EMC10: variants seen among roughly 807,000 people sequenced by gnomAD.
The protein encoded by EMC10 is UPF0510 protein INM02.
A neutral mutation model predicts 32.2 loss-of-function variants in EMC10; 40 were observed. The observed-to-expected ratio is 1.24, with a 90% CI of 0.96 to 1.61. The LOEUF (loss-of-function observed/expected upper bound fraction) is 1.61. Ranked by LOEUF, EMC10 falls within the 40% of genes most tolerant of loss-of-function variation. The pLI is 0.00. For synonymous variants in EMC10, 178 were observed against 158.4 expected, an observed-to-expected ratio of 1.12 and a Z score of -0.93; for missense variants, 402 against 357.7, an observed-to-expected ratio of 1.12 and a Z score of -1.00.
In EMC10 at chr19:50,486,120, A is replaced by ATTTT. The variant is rs1978343321; in HGVS notation, c.*3862_*3865dup. 6.6e-6 allele frequency: 1 copy of ATTTT among 152,186 alleles called. No individual in the cohort carries two copies. The highest frequency in any genetic ancestry group is 2.4e-5 in the African/African-American group (1 of 41,438). 9.4% of individuals were successfully genotyped at this position (152,186 alleles called of 1,614,324 possible). A position where few individuals can be genotyped will look rare whatever the true frequency, so the allele number is the denominator to read the frequency against. ...TAAAATATACAAGACTACATTTAGT[A>ATTTT]TTTTGTAAAATTCTTTACTAACCCC... On this transcript the variant is annotated 3_prime_UTR_variant, in exon 7 of 7. Coordinates refer to ENST00000334976, the MANE Select transcript of EMC10 (RefSeq NM_206538.4).
intron 1 of EMC10, chr19:50,477,359 C>T (rs12978864): frequency 0.53 from 80,805 of 152,528 alleles, 22,333 homozygotes; most frequent in South Asian, 0.68. Context: ...GCTGAGATCA[C>T]GCTACTGCAC....
At position 50,482,670 on chromosome 19, in the gene EMC10, G is replaced by A. The variant is rs1247081585; in HGVS notation, c.*411G>A. 1 of 482,846 alleles carries A rather than the reference G, an allele frequency of 2.1e-6. No individual in the cohort carries two copies. Among genetic ancestry groups the A allele is most frequent in the South Asian group, 4.4e-5 (1 of 22,616 alleles). The allele number at this position is 482,846 out of a possible 1,614,324, so 29.9% of individuals were successfully genotyped here. A position where few individuals can be genotyped will look rare whatever the true frequency, so the allele number is the denominator to read the frequency against. On this transcript the variant is annotated 3_prime_UTR_variant, in exon 7 of 7. Coordinates refer to ENST00000334976, the MANE Select transcript of EMC10 (RefSeq NM_206538.4). ...TGGTCTCACCCTCCTGTCCCTGGCT[G>A]GGCTAGGTGGTCCTGTCCAGGCTCC...
chr19:50,482,065 G>A (rs891508950), intron 6 of EMC10, 84 bp from the exon 7 acceptor site: 76 of 1,412,836 alleles, frequency 5.4e-5, no homozygotes, highest in Middle Eastern at 1.8e-4. Context: ...GGTCCCCACC[G>A]TGGGTGGGTG....
intron 3 of EMC10, among the ~76,000 whole-genome samples, chr19:50,479,542 A>G (rs2040284718): frequency 6.6e-6 from 1 of 152,084 alleles, no homozygotes; most frequent in African/African-American, 2.4e-5. Context: ...AGGCAGCAGG[A>G]TAGAGAGGGA....
rs2040353389 is a variant in EMC10, at chr19:50,483,364, C to T, written c.*1105C>T. 6.2e-6 allele frequency: 2 copies of T among 320,078 alleles called. No homozygotes were observed. The highest frequency in any genetic ancestry group is 4.4e-5 in the African/African-American group (2 of 45,686). 19.8% of individuals were successfully genotyped at this position (320,078 alleles called of 1,614,324 possible). On this transcript the variant is annotated 3_prime_UTR_variant, in exon 7 of 7. Coordinates refer to ENST00000334976, the MANE Select transcript of EMC10 (RefSeq NM_206538.4). The stretch of plus-strand genomic sequence containing the variant: ...AGATCGACACGCAGCTAGCCTCCTG[C>T]ATTGTATGGTTATAAATAGCACCCT...
chr19:50,481,624 G>A, intron 6 of EMC10: 1 of 548,516 alleles, frequency 1.8e-6, no homozygotes, highest in Non-Finnish European at 3.2e-6. Context: ...AGGCAGGCTA[G>A]GAGGATGCTG....
At position 50,486,982 on chromosome 19, in the gene EMC10, G is replaced by A. The variant is rs1248829766; in HGVS notation, c.*4723G>A. Reference sequence around the variant, plus strand: ...CATTCTCGGTGTCTCATATAGCTGGGTTGCAGCTCCGTTCTTTGCCAGGAG... The same window carrying A: ...CATTCTCGGTGTCTCATATAGCTGGATTGCAGCTCCGTTCTTTGCCAGGAG... On this transcript the variant is annotated 3_prime_UTR_variant, in exon 7 of 7. Coordinates refer to ENST00000334976, the MANE Select transcript of EMC10 (RefSeq NM_206538.4). The A allele has an allele frequency of 6.6e-6, 1 of 151,916 alleles. No individual in the cohort carries two copies. The highest frequency in any genetic ancestry group is 1.9e-4 in the East Asian group (1 of 5,180). 9.4% of individuals were successfully genotyped at this position (151,916 alleles called of 1,614,324 possible).
chr19:50,480,358 C>G lies in EMC10; in HGVS notation c.402+143C>G. ...CAGACCTGGCCTTGCCTTCCGAGGC[C>G]TCCTGGTCTGGAGGGGTCGGTCCAG... On this transcript the variant is annotated intron_variant, in intron 4 of 6. Transcript: ENST00000334976. The surrounding 1 kb of genome is among the most constrained non-coding windows in gnomAD (Gnocchi z 4.4). 1 of 1,009,452 alleles carries G rather than the reference C, an allele frequency of 9.9e-7. No homozygotes were observed. The highest frequency in any genetic ancestry group is 1.5e-6 in the Non-Finnish European group (1 of 683,640). The allele number at this position is 1,009,452 out of a possible 1,614,324, so 62.5% of individuals were successfully genotyped here. A position where few individuals can be genotyped will look rare whatever the true frequency, so the allele number is the denominator to read the frequency against.
At chr19:50,479,493 A>G (rs147876226) in intron 3 of EMC10, among the ~76,000 whole-genome samples, 8 of 152,280 alleles carry the variant, frequency 5.3e-5, no homozygotes, top group Admixed American at 1.3e-4. Context: ...GCCCAGCTCA[A>G]TCCTCCGCAG....
rs760145881 is a variant in EMC10 at position 50,478,948 on chromosome 19, T to G, written c.188-9T>G. The G allele has an allele frequency of 5.0e-6, 8 of 1,593,786 alleles. No individual in the cohort carries two copies. In the Admixed American group the frequency reaches 1.4e-4, roughly 27 times the overall value. On this transcript the variant is annotated splice_polypyrimidine_tract_variant and intron_variant, in intron 2 of 6. Transcript: ENST00000334976. ...GGAGGGGGCGTCTCTGAACCTGAGC[T>G]CCTCACAGATGACAGTGCCAACTTC...
intron 3 of EMC10, among the ~76,000 whole-genome samples, chr19:50,479,340 C>T (rs2040281760): frequency 6.6e-6 from 1 of 152,250 alleles, no homozygotes; most frequent in Admixed American, 6.5e-5. Context: ...CAGGTTCACA[C>T]AGTCGGCTCC....
rs1978530590 is a variant in EMC10 at position 50,489,455 on chromosome 19, C to T, written c.*7196C>T. ...GGGGCGCCCCTAAGACAGCGTCAGC[C>T]CAGAGACCGGGGCAGGAAGCAGGAA... On this transcript the variant is annotated 3_prime_UTR_variant, in exon 7 of 7. Transcript: ENST00000334976. The T allele has an allele frequency of 6.6e-6, 1 of 152,494 alleles. No individual in the cohort carries two copies. The highest frequency in any genetic ancestry group is 6.5e-5 in the Admixed American group (1 of 15,290). 9.4% of individuals were successfully genotyped at this position (152,494 alleles called of 1,614,324 possible). A position where few individuals can be genotyped will look rare whatever the true frequency, so the allele number is the denominator to read the frequency against.
intron 1 of EMC10, among the ~76,000 whole-genome samples, chr19:50,477,382 G>A (rs2040244782): frequency 6.6e-6 from 1 of 152,202 alleles, no homozygotes; most frequent in Non-Finnish European, 1.5e-5. Context: ...CAGCCTGGGC[G>A]ACTGAGCGAG....
At position 50,489,715 on chromosome 19, in the gene EMC10, A is replaced by G. The variant is rs1978541495; in HGVS notation, c.*7456A>G. 1 of 152,604 alleles carries G rather than the reference A, an allele frequency of 6.6e-6. No individual in the cohort carries two copies. The highest frequency in any genetic ancestry group is 1.5e-5 in the Non-Finnish European group (1 of 68,348). The allele number at this position is 152,604 out of a possible 1,614,324, so 9.5% of individuals were successfully genotyped here. ...GGACAACGAATGGGACTAGACGAGG[A>G]TGGGGAGGAACAGAGCAGCTGTGGA... On this transcript the variant is annotated 3_prime_UTR_variant, in exon 7 of 7. Coordinates refer to ENST00000334976, the MANE Select transcript of EMC10 (RefSeq NM_206538.4).
rs55816439 is a variant in EMC10 at position 50,477,101 on chromosome 19, TAA to T, written c.114+458_114+459del. ...CGAGCCCTGTCTCTACAAAAAATAC[TAA>T]AAAAAAAAAAAAAATTAGGCCGGTC... is the stretch of plus-strand genomic sequence containing the variant. On this transcript the variant is annotated intron_variant, in intron 1 of 6. Transcript: ENST00000334976. The T allele has an allele frequency of 3.2e-3, 447 of 140,932 alleles. 1 individual carries two copies. Among genetic ancestry groups the T allele is most frequent in the East Asian group, 6.4e-3 (31 of 4,868 alleles). The allele number at this position is 140,932 out of a possible 1,614,324, so 8.7% of individuals were successfully genotyped here. A position where few individuals can be genotyped will look rare whatever the true frequency, so the allele number is the denominator to read the frequency against.
Position 50,480,892 on chromosome 19 carries a change from C to T in EMC10, c.593C>T (p.Thr198Met), listed in dbSNP as rs201394073. The stretch of plus-strand genomic sequence containing the variant: ...CTCTCCCCTTGCCCCAGCCCTGAGA[C>T]GGCGGCCTTCATTGAGCGCCTGGAG... The part of the protein sequence containing the change: ...QPPTTAPGPE[T>M]AAFIERLEME... Residue 198 changes from threonine (T) to methionine (M), a missense_variant, in exon 6 of 7, where the codon ACG becomes ATG. Coordinates refer to ENST00000334976, the MANE Select transcript of EMC10 (RefSeq NM_206538.4). This position sits in a 1 kb window ranked among gnomAD's most constrained non-coding sequence, Gnocchi z 4.4. 103 of 1,606,994 alleles carry T rather than the reference C, an allele frequency of 6.4e-5. 1 individual carries two copies. The highest frequency in any genetic ancestry group is 3.3e-4 in the Middle Eastern group (2 of 6,026).
At position 50,480,500 on chromosome 19, in the gene EMC10, C is replaced by T. The variant is rs45619535; in HGVS notation, c.403-81C>T. 17,936 of 1,474,750 alleles carry T rather than the reference C, an allele frequency of 0.012. 150 individuals carry two copies. The highest frequency in any genetic ancestry group is 0.014 in the Non-Finnish European group (15,845 of 1,094,708). The allele number at this position is 1,474,750 out of a possible 1,614,324, so 91.4% of individuals were successfully genotyped here. On this transcript the variant is annotated intron_variant, in intron 4 of 6. Coordinates refer to ENST00000334976, the MANE Select transcript of EMC10 (RefSeq NM_206538.4). The surrounding 1 kb of genome is among the most constrained non-coding windows in gnomAD (Gnocchi z 4.4). ...AGGTTTTGAAAAATGCTCCGGGGGT[C>T]CTGTGGTGGGGGCCGGGGGAGGTTA...
rs1978505331 is a variant in EMC10 at position 50,489,012 on chromosome 19, G to C, written c.*6753G>C. ...GAGAGGGAGATGGAGCGGTGCGGAGGGGGAGAGAGAAAGAGGGAGGGAAGG... is the reference window on the plus strand; with the variant it reads ...GAGAGGGAGATGGAGCGGTGCGGAGCGGGAGAGAGAAAGAGGGAGGGAAGG... On this transcript the variant is annotated 3_prime_UTR_variant, in exon 7 of 7. Coordinates refer to ENST00000334976, the MANE Select transcript of EMC10 (RefSeq NM_206538.4). The C allele has an allele frequency of 6.7e-6, 1 of 148,828 alleles. No individual in the cohort carries two copies. Among genetic ancestry groups the C allele is most frequent in the Non-Finnish European group, 1.5e-5 (1 of 67,552 alleles). The allele number at this position is 148,828 out of a possible 1,614,324, so 9.2% of individuals were successfully genotyped here.
In EMC10 at chr19:50,485,294, G is replaced by T. The variant is rs1400849662; in HGVS notation, c.*3035G>T. Reference sequence around the variant, plus strand: ...TCTGCCCCATCCCTTCACCCTGGAGGTTCCAGACAGCCCCTCTTCACCAGC... The same window carrying T: ...TCTGCCCCATCCCTTCACCCTGGAGTTTCCAGACAGCCCCTCTTCACCAGC... On this transcript the variant is annotated 3_prime_UTR_variant, in exon 7 of 7. Transcript: ENST00000334976. 1 of 152,136 alleles carries T rather than the reference G, an allele frequency of 6.6e-6. No individual in the cohort carries two copies. The highest frequency in any genetic ancestry group is 2.4e-5 in the African/African-American group (1 of 41,362). 9.4% of individuals were successfully genotyped at this position (152,136 alleles called of 1,614,324 possible). A position where few individuals can be genotyped will look rare whatever the true frequency, so the allele number is the denominator to read the frequency against.
Sources: allele counts gnomAD v4.1 joint callset (sites outside exome capture counted in the v4.1 genomes callset), GRCh38; gene constraint gnomAD v4.1.1; non-coding constraint Gnocchi (gnomAD v3.1); transcripts MANE v1.5; gene names NCBI Gene and HGNC (gene_info 2026-07-23, HGNC 2026-07-21).